ZMYND15: variants seen among roughly 807,000 people sequenced by gnomAD.
ZMYND15 encodes the protein zinc finger MYND domain-containing protein 15.
In ZMYND15, 54 loss-of-function variants were observed where a neutral mutation model predicts 81.7. The ratio of observed to expected loss-of-function variants is 0.66; its 90% CI spans 0.53 to 0.83. The LOEUF is 0.83. Among genes scored for constraint, ZMYND15 ranks in the 40% least tolerant of loss-of-function variants. ZMYND15 has a pLI of 0.00. For synonymous variants in ZMYND15, 399 were observed against 387.0 expected (o/e 1.03, Z -0.36); for missense variants, 925 against 973.5 (o/e 0.95, Z 0.66).
At position 4,744,185 on chromosome 17, in the gene ZMYND15, C is replaced by T. The variant is rs1387812196; in HGVS notation, c.1496-5C>T. ...ACATCCTTAAAGCGCTGGTTTTTCA[C>T]CCAGTCCCTGAGCTCAACATCCAAA... On this transcript the variant is annotated splice_polypyrimidine_tract_variant and splice_region_variant and intron_variant, in intron 8 of 13. Coordinates refer to ENST00000433935, the MANE Select transcript of ZMYND15 (RefSeq NM_001136046.3). The surrounding 1 kb of genome is among the most constrained non-coding windows in gnomAD (Gnocchi z 4.1). 6.8e-6 allele frequency: 11 copies of T among 1,614,046 alleles called. No individual in the cohort carries two copies. Among genetic ancestry groups the T allele is most frequent in the Non-Finnish European group, 9.3e-6 (11 of 1,179,992 alleles).
At position 4,745,052 on chromosome 17, in the gene ZMYND15, GC is replaced by G; in HGVS notation, c.1896+127del. 1 of 1,526,584 alleles carries G rather than the reference GC, an allele frequency of 6.6e-7. No homozygotes were observed. The allele number at this position is 1,526,584 out of a possible 1,614,324, so 94.6% of individuals were successfully genotyped here. ...CACCTGCTCCACAAACCTGGGGAGT[GC>G]CCACGGGTCCCCCTGCCTCTCTCTG... On this transcript the variant is annotated intron_variant, in intron 12 of 13. Coordinates refer to ENST00000433935, the MANE Select transcript of ZMYND15 (RefSeq NM_001136046.3). The surrounding 1 kb of genome is among the most constrained non-coding windows in gnomAD (Gnocchi z 5.2).
chr17:4,745,732 C>T lies in ZMYND15; in HGVS notation c.2058-87C>T. On this transcript the variant is annotated intron_variant, in intron 13 of 13. Coordinates refer to ENST00000433935, the MANE Select transcript of ZMYND15 (RefSeq NM_001136046.3). This position sits in a 1 kb window ranked among gnomAD's most constrained non-coding sequence, Gnocchi z 5.2. ...GGAGCCCCGCCCCCTGGTCCCTGAC[C>T]GCGCCCCTGGGAGCCCCGACCCCTG... 1.8e-6 allele frequency: 2 copies of T among 1,085,532 alleles called. No homozygotes were observed. Among genetic ancestry groups the T allele is most frequent in the Non-Finnish European group, 2.6e-6 (2 of 768,292 alleles). 67.2% of individuals were successfully genotyped at this position (1,085,532 alleles called of 1,614,324 possible). A position where few individuals can be genotyped will look rare whatever the true frequency, so the allele number is the denominator to read the frequency against.
Position 4,744,573 on chromosome 17 carries a change from C to G in ZMYND15, c.1684-52C>G. ...CTCCCCATCTTGCCTGGTGCATCCT[C>G]CAGTTCCCTGACTTCCAGTGGCTTT... is the stretch of plus-strand genomic sequence containing the variant. On this transcript the variant is annotated intron_variant, in intron 10 of 13. Coordinates refer to ENST00000433935, the MANE Select transcript of ZMYND15 (RefSeq NM_001136046.3). The surrounding 1 kb of genome is among the most constrained non-coding windows in gnomAD (Gnocchi z 4.1). 1 of 1,602,638 alleles carries G rather than the reference C, an allele frequency of 6.2e-7. No homozygotes were observed. The highest frequency in any genetic ancestry group is 8.5e-7 in the Non-Finnish European group (1 of 1,174,266).
In ZMYND15 at chr17:4,740,661, G is replaced by T; in HGVS notation, c.113G>T (p.Gly38Val). 1 of 1,614,188 alleles carries T rather than the reference G, an allele frequency of 6.2e-7. No homozygotes were observed. Among genetic ancestry groups the T allele is most frequent in the East Asian group, 2.2e-5 (1 of 44,884 alleles). ...GGAGCTGTAGGGACTAGCCTTGAGG[G>T]CCGCTGCCGGCAGCTGGAGGCCCAG... ...ERGAVGTSLE[G>V]RCRQLEAQIR... The change falls in exon 2 of 14, where the codon GGC becomes GTC. Residue 38 changes from glycine (G) to valine (V), a missense_variant. Physicochemically the swap from Gly to Val is moderately radical, Grantham distance 109. Transcript: ENST00000433935.
chr17:4,745,762 C>T lies in ZMYND15; in HGVS notation c.2058-57C>T, dbSNP rs1016063014. On this transcript the variant is annotated intron_variant, in intron 13 of 13. Transcript: ENST00000433935. This position sits in a 1 kb window ranked among gnomAD's most constrained non-coding sequence, Gnocchi z 5.2. ...CCCTGGGAGCCCCGACCCCTGGGAG[C>T]GCCGACCCCTGGGAGTCCCGCCCCG... 12 of 1,449,692 alleles carry T rather than the reference C, an allele frequency of 8.3e-6. No individual in the cohort carries two copies. In the African/African-American group the frequency reaches 1.8e-4, roughly 21 times the overall value. 89.8% of individuals were successfully genotyped at this position (1,449,692 alleles called of 1,614,324 possible).
Position 4,743,465 on chromosome 17 carries a change from G to A in ZMYND15, c.1297+10G>A, listed in dbSNP as rs1233026732. On this transcript the variant is annotated intron_variant, in intron 6 of 13. Coordinates refer to ENST00000433935, the MANE Select transcript of ZMYND15 (RefSeq NM_001136046.3). This position sits in a 1 kb window ranked among gnomAD's most constrained non-coding sequence, Gnocchi z 4.3. Reference sequence around the variant, plus strand: ...AGCCTTCTTCGCGGTGGTGCGTGGGGTCTCTCCAGGCATGGGCCCCTTGGC... The same window carrying A: ...AGCCTTCTTCGCGGTGGTGCGTGGGATCTCTCCAGGCATGGGCCCCTTGGC... The A allele has an allele frequency of 6.2e-7, 1 of 1,613,626 alleles. No homozygotes were observed. The highest frequency in any genetic ancestry group is 1.1e-5 in the South Asian group (1 of 91,048).
Position 4,739,849 on chromosome 17 carries a change from C to A in ZMYND15, c.-232C>A, listed in dbSNP as rs1234584091. On this transcript the variant is annotated 5_prime_UTR_variant, in exon 1 of 14. Coordinates refer to ENST00000433935, the MANE Select transcript of ZMYND15 (RefSeq NM_001136046.3). The surrounding 1 kb of genome is among the most constrained non-coding windows in gnomAD (Gnocchi z 5.3). Reference sequence around the variant, plus strand: ...GCGGGACCCAGCCGCGCTGCATGAGCCTCCCGGGCGGCCCGGTGGAGAGAG... The same window carrying A: ...GCGGGACCCAGCCGCGCTGCATGAGACTCCCGGGCGGCCCGGTGGAGAGAG... 2.3e-5 allele frequency: 23 copies of A among 987,922 alleles called. No individual in the cohort carries two copies. The highest frequency in any genetic ancestry group is 1.9e-5 in the Non-Finnish European group (16 of 831,622). 61.2% of individuals were successfully genotyped at this position (987,922 alleles called of 1,614,324 possible). A position where few individuals can be genotyped will look rare whatever the true frequency, so the allele number is the denominator to read the frequency against.
Position 4,740,609 on chromosome 17 carries a change from T to A in ZMYND15, c.61T>A (p.Trp21Arg), listed in dbSNP as rs1916352030. Residue 21 changes from tryptophan to arginine, a missense_variant, in exon 2 of 14, where the codon TGG (tryptophan) becomes AGG (arginine). Transcript: ENST00000433935. ...TGATTTCACTGCCCTTCTCTTCGGC[T>A]GGTTCCGAAAGTTTGTGGCAGAGCG... ...FLDFTALLFGWFRKFVAERGA... is the reference protein window; with the variant it reads ...FLDFTALLFGRFRKFVAERGA... 3 of 1,612,638 alleles carry A rather than the reference T, an allele frequency of 1.9e-6. No homozygotes were observed. Among genetic ancestry groups the A allele is most frequent in the Non-Finnish European group, 2.5e-6 (3 of 1,179,326 alleles).
In ZMYND15 at chr17:4,739,960, G is replaced by T. The variant is rs926764072; in HGVS notation, c.-121G>T. ...GGGGGGCGTGGCCGCCCGCTGAGCC[G>T]GCGAGGGCTCGGGCAGCCCTGACGT... On this transcript the variant is annotated 5_prime_UTR_variant, in exon 1 of 14. Transcript: ENST00000433935. This position sits in a 1 kb window ranked among gnomAD's most constrained non-coding sequence, Gnocchi z 5.3. The T allele has an allele frequency of 6.1e-6, 6 of 985,254 alleles. No individual in the cohort carries two copies. Among genetic ancestry groups the T allele is most frequent in the Admixed American group, 6.2e-5 (1 of 16,260 alleles). 61.0% of individuals were successfully genotyped at this position (985,254 alleles called of 1,614,324 possible). A position where few individuals can be genotyped will look rare whatever the true frequency, so the allele number is the denominator to read the frequency against.
rs1331444412 is a variant in ZMYND15, at chr17:4,745,566, C to T, written c.2057+191C>T. On this transcript the variant is annotated intron_variant, in intron 13 of 13. Transcript: ENST00000433935. This position sits in a 1 kb window ranked among gnomAD's most constrained non-coding sequence, Gnocchi z 5.2. ...GGAGGTCTCGACATCCCCCAGCACACCCCTCTTTAGATCTAGCTCACGGAA... is the reference window on the plus strand; with the variant it reads ...GGAGGTCTCGACATCCCCCAGCACATCCCTCTTTAGATCTAGCTCACGGAA... Among the ~76,000 whole-genome samples the T allele has an allele frequency of 2.0e-5, 3 of 151,878 alleles. No individual in the cohort carries two copies. Among genetic ancestry groups the T allele is most frequent in the Non-Finnish European group, 4.4e-5 (3 of 67,940 alleles).
At position 4,740,704 on chromosome 17, in the gene ZMYND15, G is replaced by C. The variant is rs752321650; in HGVS notation, c.156G>C (p.Gln52His). ...AGGCCCAGATCAGAAGGCTACCCCA[G>C]GACCCTGCCCTTTGGGTGCTCCATG... ...QLEAQIRRLP[Q>H]DPALWVLHVL... The change falls in exon 2 of 14, where the codon CAG becomes CAC. Residue 52 changes from glutamine to histidine, a missense_variant. By Grantham distance (24) the Gln-to-His change is conservative. Coordinates refer to ENST00000433935, the MANE Select transcript of ZMYND15 (RefSeq NM_001136046.3). The C allele has an allele frequency of 6.2e-7, 1 of 1,613,678 alleles. No individual in the cohort carries two copies.
rs780614708 is a variant in ZMYND15 at position 4,744,674 on chromosome 17, C to A, written c.1733C>A (p.Pro578His). ...CCTGGTTCCGGCATATCAGCACGGC[C>A]CAGCTCTGGCACTAAGGAGAAAGGG... Reference protein sequence around the residue: ...VRPGSGISARPSSGTKEKGGR... With the variant: ...VRPGSGISARHSSGTKEKGGR... The change falls in exon 11 of 14, where the codon CCC becomes CAC. Residue 578 changes from proline (P) to histidine (H), a missense_variant. By Grantham distance (77) the Pro-to-His change is moderately conservative. Transcript: ENST00000433935. This position sits in a 1 kb window ranked among gnomAD's most constrained non-coding sequence, Gnocchi z 4.1. The A allele has an allele frequency of 2.6e-5, 42 of 1,613,626 alleles. No homozygotes were observed. Among genetic ancestry groups the A allele is most frequent in the Non-Finnish European group, 3.6e-5 (42 of 1,180,010 alleles).
Position 4,743,306 on chromosome 17 carries a change from TG to T in ZMYND15, c.1149del (p.Thr384ProfsTer27). ...TCCTCCCCTTCTCCTTCTCCAGAGG[TG>T]ACCAGTGAAACCTTCAACAAAGAGG... ...ATLPFTYTAE[V>X]TSETFNKEAF... On this transcript the variant is annotated frameshift_variant, in exon 6 of 14. Transcript: ENST00000433935. LOFTEE classifies it high-confidence loss of function. The surrounding 1 kb of genome is among the most constrained non-coding windows in gnomAD (Gnocchi z 4.3). 16 of 1,612,830 alleles carry T rather than the reference TG, an allele frequency of 9.9e-6. No individual in the cohort carries two copies. Among genetic ancestry groups the T allele is most frequent in the Non-Finnish European group, 1.4e-5 (16 of 1,179,654 alleles).
At position 4,745,761 on chromosome 17, in the gene ZMYND15, G is replaced by GCCC. The variant is rs1211204518; in HGVS notation, c.2058-57_2058-56insCCC. On this transcript the variant is annotated intron_variant, in intron 13 of 13. Transcript: ENST00000433935. The surrounding 1 kb of genome is among the most constrained non-coding windows in gnomAD (Gnocchi z 5.2). The stretch of plus-strand genomic sequence containing the variant: ...CCCCTGGGAGCCCCGACCCCTGGGA[G>GCCC]CGCCGACCCCTGGGAGTCCCGCCCC... 2.4e-5 allele frequency: 34 copies of GCCC among 1,445,116 alleles called. No homozygotes were observed. The highest frequency in any genetic ancestry group is 2.1e-4 in the Middle Eastern group (1 of 4,680). 89.5% of individuals were successfully genotyped at this position (1,445,116 alleles called of 1,614,324 possible).
chr17:4,741,293 T>A (rs1304599134), intron 2 of ZMYND15, among the ~76,000 whole-genome samples, 153 bp downstream of exon 2: 1 of 151,856 alleles, frequency 6.6e-6, no homozygotes, highest in Non-Finnish European at 1.5e-5. Flanking sequence ...TTTTTTTTAA[T>A]TTAATGTTTA....
At position 4,741,902 on chromosome 17, in the gene ZMYND15, C is replaced by G. The variant is rs779845411; in HGVS notation, c.828-13C>G. On this transcript the variant is annotated splice_polypyrimidine_tract_variant and intron_variant, in intron 3 of 13. Transcript: ENST00000433935. ...CTCCAGCCTGATGCCATCTCCCCCC[C>G]AACTGCATTTAGAGAGCTGGAGAGC... 1 of 1,612,306 alleles carries G rather than the reference C, an allele frequency of 6.2e-7. No homozygotes were observed. Among genetic ancestry groups the G allele is most frequent in the East Asian group, 2.2e-5 (1 of 44,828 alleles).
chr17:4,741,172 C>T (rs1160979180), intron 2 of ZMYND15, 32 bp downstream of exon 2: 3 of 1,404,640 alleles, frequency 2.1e-6, no homozygotes, highest in Non-Finnish European at 2.8e-6. Context: ...TGCCCTACCC[C>T]TTGCCCAGCC....
chr17:4,740,641 T>C lies in ZMYND15; in HGVS notation c.93T>C (p.Ala31=). 6.2e-7 allele frequency: 1 copy of C among 1,614,204 alleles called. No individual in the cohort carries two copies. The highest frequency in any genetic ancestry group is 8.5e-7 in the Non-Finnish European group (1 of 1,180,002). ...GAAAGTTTGTGGCAGAGCGTGGAGCTGTAGGGACTAGCCTTGAGGGCCGCT... is the reference window on the plus strand; with the variant it reads ...GAAAGTTTGTGGCAGAGCGTGGAGCCGTAGGGACTAGCCTTGAGGGCCGCT... The part of the protein sequence containing the change: ...WFRKFVAERG[A]VGTSLEGRCR... Residue 31 remains alanine, a synonymous_variant, in exon 2 of 14, where the codon GCT becomes GCC. Transcript: ENST00000433935.
At chr17:4,742,613 T>C in intron 5 of ZMYND15, 122 bp downstream of exon 5, 1 of 1,336,212 alleles carries the variant, frequency 7.5e-7, no homozygotes, top group South Asian at 1.4e-5. Flanking sequence ...AGAGCCTAGA[T>C]CCCTGGAACA....
Sources: allele counts gnomAD v4.1 joint callset (sites outside exome capture counted in the v4.1 genomes callset), GRCh38; gene constraint gnomAD v4.1.1; non-coding constraint Gnocchi (gnomAD v3.1); transcripts MANE v1.5; gene names NCBI Gene and HGNC (gene_info 2026-07-23, HGNC 2026-07-21).